The following PATJ variants were observed in gnomAD, a reference collection of about 807,000 sequenced individuals.
PATJ encodes inaD-like protein.
PATJ carries 190 observed loss-of-function variants against 224.9 expected under a neutral mutation model. That is an observed-to-expected ratio of 0.84 (90% CI 0.75 to 0.95). The LOEUF (loss-of-function observed/expected upper bound fraction) is 0.95. Among genes scored for constraint, PATJ ranks in the 40% least tolerant of loss-of-function variants. The pLI is 0.00. For synonymous variants in PATJ, 769 were observed against 820.3 expected (o/e 0.94, Z 1.07); for missense variants, 2,121 against 2,270.3 (o/e 0.93, Z 1.34).
chr1:61,881,652 T>G (rs781211823), intron 21 of PATJ, among the ~76,000 whole-genome samples: 1 of 152,146 alleles, frequency 6.6e-6, no homozygotes, highest in Non-Finnish European at 1.5e-5. Flanking sequence ...CCTCAGGTGA[T>G]CCACCCACCT....
intron 9 of PATJ, among the ~76,000 whole-genome samples, chr1:61,793,939 G>A (rs1464275175): frequency 2.9e-5 from 3 of 103,064 alleles, no homozygotes; most frequent in Non-Finnish European, 5.8e-5. Flanking sequence ...TCTCGCTCTT[G>A]TTGCCCAGGC....
At chr1:62,052,656 C>T (rs780819334) in intron 31 of PATJ, among the ~76,000 whole-genome samples, 5 of 151,616 alleles carry the variant, frequency 3.3e-5, no homozygotes, top group African/African-American at 4.9e-5. Flanking sequence ...GCAGGAGAAT[C>T]GCTTGAACCC....
intron 6 of PATJ, among the ~76,000 whole-genome samples, chr1:61,772,459 T>C (rs371797526): frequency 6.6e-6 from 1 of 152,172 alleles, no homozygotes; most frequent in Non-Finnish European, 1.5e-5. Context: ...AACTTGCTTT[T>C]TAACGTTTTA....
At chr1:61,743,410 G>C (rs1217136826) in intron 1 of PATJ, among the ~76,000 whole-genome samples, 1 of 152,158 alleles carries the variant, frequency 6.6e-6, no homozygotes, top group Non-Finnish European at 1.5e-5. Context: ...ATTCCAGTTG[G>C]TTGTTTACTG....
chr1:62,007,180 A>C (rs1646141881), intron 28 of PATJ, among the ~76,000 whole-genome samples: 2 of 152,196 alleles, frequency 1.3e-5, no homozygotes, highest in Admixed American at 1.3e-4. Context: ...ATAATTTGCT[A>C]CTGAACGACA....
chr1:61,870,412 T>C (rs575704846), intron 20 of PATJ, among the ~76,000 whole-genome samples: 19 of 152,206 alleles, frequency 1.2e-4, no homozygotes, highest in African/African-American at 4.1e-4. Context: ...AGGGTCTTTA[T>C]AGGCACAGGA....
intron 27 of PATJ, among the ~76,000 whole-genome samples, chr1:61,950,681 T>A (rs1312965485): frequency 6.6e-6 from 1 of 152,230 alleles, no homozygotes; most frequent in Non-Finnish European, 1.5e-5. Flanking sequence ...TATGTTCATT[T>A]CACCAAATAT....
chr1:62,025,108 T>G (rs1647604561), intron 29 of PATJ, among the ~76,000 whole-genome samples: 1 of 152,234 alleles, frequency 6.6e-6, no homozygotes, highest in African/African-American at 2.4e-5. Flanking sequence ...AGAATCTTAA[T>G]GAACAGATAA....
intron 27 of PATJ, among the ~76,000 whole-genome samples, chr1:61,955,721 A>G (rs1472549033): frequency 1.3e-5 from 2 of 152,214 alleles, no homozygotes; most frequent in Non-Finnish European, 2.9e-5. Context: ...TTTCTTCAAC[A>G]CATATAATGT....
At chr1:61,992,564 C>T in intron 28 of PATJ, among the ~76,000 whole-genome samples, 1 of 152,148 alleles carries the variant, frequency 6.6e-6, no homozygotes, top group Middle Eastern at 3.2e-3. Context: ...TTGCTTGGTA[C>T]ATGGAAATAC....
At position 61,935,590 on chromosome 1, in the gene PATJ, C is replaced by T. The variant is rs565128693; in HGVS notation, c.3670+7761C>T. Among the ~76,000 whole-genome samples the T allele has an allele frequency of 2.6e-5, 4 of 152,160 alleles. No individual in the cohort carries two copies. The East Asian group carries it at 7.7e-4, about 29-fold the overall frequency. On this transcript the variant is annotated intron_variant, in intron 27 of 43. Coordinates refer to ENST00000642238, the MANE Select transcript of PATJ (RefSeq NM_001350145.3). Reference sequence around the variant, plus strand: ...AGTGGGTTGCTTGAACCCAGGAATTCCAGACTGGCCTGGCCAACATAATAA... The same window carrying T: ...AGTGGGTTGCTTGAACCCAGGAATTTCAGACTGGCCTGGCCAACATAATAA...
intron 31 of PATJ, among the ~76,000 whole-genome samples, chr1:62,069,282 T>C (rs12076806): frequency 0.065 from 9,823 of 152,264 alleles, 1,046 homozygotes; most frequent in African/African-American, 0.23. Context: ...AGTTAAGTTC[T>C]GGCTTGGCAA....
intron 14 of PATJ, among the ~76,000 whole-genome samples, chr1:61,814,547 T>TGTGC (rs370488022): frequency 0.067 from 9,481 of 142,422 alleles, 302 homozygotes; most frequent in Non-Finnish European, 0.073. Flanking sequence ...TGTGTGTGTG[T>TGTGC]GCGCGCGCGC....
chr1:62,063,177 T>G (rs753275238), intron 31 of PATJ, among the ~76,000 whole-genome samples: 3 of 152,188 alleles, frequency 2.0e-5, no homozygotes, highest in Admixed American at 6.5e-5. Flanking sequence ...GAGTTAACTT[T>G]TATGTATGGT....
intron 28 of PATJ, among the ~76,000 whole-genome samples, chr1:61,994,362 A>G (rs67719504): frequency 0.066 from 10,109 of 152,214 alleles, 746 homozygotes; most frequent in East Asian, 0.39. Flanking sequence ...CAATACCTTA[A>G]TACATTTCAG....
At chr1:62,100,434 G>A (rs1570592828) in intron 33 of PATJ, 1 of 717,376 alleles carries the variant, frequency 1.4e-6, no homozygotes, top group Non-Finnish European at 2.6e-6. Flanking sequence ...AGAGAGGGAG[G>A]GGGGCTGAAC....
At chr1:61,745,983 G>A (rs559909926) in intron 1 of PATJ, among the ~76,000 whole-genome samples, 125 of 151,310 alleles carry the variant, frequency 8.3e-4, no homozygotes, top group African/African-American at 3.0e-3. Flanking sequence ...TGTTGCCCAG[G>A]CTGAAGTGCA....
chr1:61,845,154 G>A (rs1261433007), intron 17 of PATJ, among the ~76,000 whole-genome samples: 1 of 152,154 alleles, frequency 6.6e-6, no homozygotes, highest in Non-Finnish European at 1.5e-5. Context: ...CTCTGTGTCA[G>A]GAATTGTTTA....
At position 61,767,849 on chromosome 1, in the gene PATJ, G is replaced by C. The variant is rs553538404; in HGVS notation, c.384+1376G>C. Among the ~76,000 whole-genome samples, 4 of 151,322 alleles carry C rather than the reference G, an allele frequency of 2.6e-5. No individual in the cohort carries two copies. The East Asian group carries it at 7.9e-4, about 30-fold the overall frequency. On this transcript the variant is annotated intron_variant, in intron 4 of 43. Transcript: ENST00000642238. ...GTGTCACCACGCCTGGCTAATTTTT[G>C]TATTTTTAGTAGAGACAGGGTTTCA...
Sources: gnomAD v4.1 joint callset for allele counts (sites outside exome capture counted in the v4.1 genomes callset) on GRCh38, gnomAD v4.1.1 for gene constraint, MANE v1.5 for transcripts, NCBI Gene and HGNC (gene_info 2026-07-23, HGNC 2026-07-21) for gene names.